The following DOK5 variants were observed in gnomAD, a reference collection of about 807,000 sequenced individuals.
DOK5 encodes the protein downstream of tyrosine kinase 5.
DOK5 carries 27 observed loss-of-function variants against 43.3 expected under a neutral mutation model. That is an observed-to-expected ratio of 0.62 (90% confidence interval 0.46 to 0.86). The LOEUF is 0.86. Ranked by LOEUF, DOK5 falls within the 40% of genes least tolerant of loss-of-function variation. DOK5 has a pLI of 0.00. For synonymous variants in DOK5, 146 were observed against 140.1 expected (o/e 1.04, Z -0.30); for missense variants, 373 against 392.9 (o/e 0.95, Z 0.43).
chr20:54,622,668 A>G (rs1200474613), intron 6 of DOK5, among the ~76,000 whole-genome samples: 1 of 152,180 alleles, frequency 6.6e-6, no homozygotes, highest in African/African-American at 2.4e-5. Context: ...TAGGCAGTAC[A>G]TTGCGACCTT....
At chr20:54,643,056 G>A (rs1979199238) in intron 6 of DOK5, among the ~76,000 whole-genome samples, 1 of 152,216 alleles carries the variant, frequency 6.6e-6, no homozygotes, top group Non-Finnish European at 1.5e-5. Flanking sequence ...GAACAAAACA[G>A]TCATAAATCT....
At chr20:54,627,894 G>A (rs1285296495) in intron 6 of DOK5, among the ~76,000 whole-genome samples, 1 of 152,186 alleles carries the variant, frequency 6.6e-6, no homozygotes, top group Non-Finnish European at 1.5e-5. Context: ...AGAACAAAAA[G>A]ATGTATAGTC....
chr20:54,588,147 G>C (rs938840691), intron 2 of DOK5, among the ~76,000 whole-genome samples: 3 of 151,988 alleles, frequency 2.0e-5, no homozygotes, highest in Non-Finnish European at 4.4e-5. Context: ...ACAGACATAA[G>C]AACTATTGGT....
chr20:54,552,680 T>C (rs1356272291), intron 1 of DOK5, among the ~76,000 whole-genome samples: 1 of 152,196 alleles, frequency 6.6e-6, no homozygotes, highest in Non-Finnish European at 1.5e-5. Context: ...GAAATTTGAG[T>C]AATCCCTGAC....
At chr20:54,626,677 T>G (rs1987141009) in intron 6 of DOK5, among the ~76,000 whole-genome samples, 2 of 152,220 alleles carry the variant, frequency 1.3e-5, no homozygotes, top group South Asian at 4.1e-4. Context: ...TCTACATATA[T>G]ACATAGACAC....
intron 1 of DOK5, among the ~76,000 whole-genome samples, chr20:54,548,149 T>G (rs1012443599): frequency 2.0e-5 from 3 of 152,188 alleles, no homozygotes; most frequent in Admixed American, 6.5e-5. Context: ...ACATGATGTA[T>G]AGGAGGTGAG....
intron 5 of DOK5, among the ~76,000 whole-genome samples, chr20:54,596,587 G>T (rs957355424): frequency 6.6e-6 from 1 of 152,146 alleles, no homozygotes; most frequent in African/African-American, 2.4e-5. Flanking sequence ...GTGGGAACGT[G>T]GATATGTCAC....
At chr20:54,622,589 C>T (rs1162429785) in intron 6 of DOK5, among the ~76,000 whole-genome samples, 1 of 152,208 alleles carries the variant, frequency 6.6e-6, no homozygotes, top group Non-Finnish European at 1.5e-5. Context: ...ACTTGTTTTG[C>T]TGACAGATCG....
At chr20:54,623,517 C>T (rs577508863) in intron 6 of DOK5, among the ~76,000 whole-genome samples, 33 of 152,100 alleles carry the variant, frequency 2.2e-4, no homozygotes, top group Non-Finnish European at 4.3e-4. Flanking sequence ...TGTAAGGCAA[C>T]GAGACGAGGC....
At chr20:54,585,195 G>A (rs1475710840) in intron 2 of DOK5, among the ~76,000 whole-genome samples, 2 of 151,982 alleles carry the variant, frequency 1.3e-5, no homozygotes, top group Non-Finnish European at 2.9e-5. Flanking sequence ...TGCCCACTAG[G>A]TGTAGTTCTG....
rs55959803 is a variant in DOK5, at chr20:54,533,638, A to C, written c.67-21295A>C. Among the ~76,000 whole-genome samples, 1,118 of 152,328 alleles carry C rather than the reference A, an allele frequency of 7.3e-3. 16 individuals carry two copies. The highest frequency in any genetic ancestry group is 0.025 in the African/African-American group (1,058 of 41,578). ...ATTATCATCATTAACAGATGGAAAAACTGAAGCTCAAAAGGGTAAGTTATT... is the reference window on the plus strand; with the variant it reads ...ATTATCATCATTAACAGATGGAAAACCTGAAGCTCAAAAGGGTAAGTTATT... On this transcript the variant is annotated intron_variant, in intron 1 of 7. Coordinates refer to ENST00000262593, the MANE Select transcript of DOK5 (RefSeq NM_018431.5).
intron 5 of DOK5, among the ~76,000 whole-genome samples, chr20:54,594,704 ATAG>A (rs1568801433): frequency 6.6e-6 from 1 of 152,172 alleles, no homozygotes; most frequent in Admixed American, 6.5e-5. Flanking sequence ...TTTACAGGAA[ATAG>A]TAGTAGAAAA....
chr20:54,601,292 A>G (rs573600592), intron 5 of DOK5, among the ~76,000 whole-genome samples: 1 of 152,356 alleles, frequency 6.6e-6, no homozygotes, highest in African/African-American at 2.4e-5. Flanking sequence ...ATTGTGTTTG[A>G]GTTTAGAACT....
At chr20:54,559,714 A>T (rs1226792682) in intron 2 of DOK5, among the ~76,000 whole-genome samples, 1 of 152,204 alleles carries the variant, frequency 6.6e-6, no homozygotes, top group Non-Finnish European at 1.5e-5. Context: ...ATTTGTTTTA[A>T]TCGTGTGTTC....
In DOK5 at chr20:54,611,136, C is replaced by T. The variant is rs535528575; in HGVS notation, c.735+613C>T. ...GGGTGAACTGCTACCCACAGCCATG[C>T]GTGTGCCATCTCTTCACAGTCATCG... On this transcript the variant is annotated intron_variant, in intron 6 of 7. Coordinates refer to ENST00000262593, the MANE Select transcript of DOK5 (RefSeq NM_018431.5). Among the ~76,000 whole-genome samples, 131 of 152,312 alleles carry T rather than the reference C, an allele frequency of 8.6e-4. 2 individuals carry two copies. The highest frequency in any genetic ancestry group is 6.8e-3 in the Middle Eastern group (2 of 294).
chr20:54,633,465 T>C (rs897383162), intron 6 of DOK5, among the ~76,000 whole-genome samples: 1 of 152,182 alleles, frequency 6.6e-6, no homozygotes, highest in African/African-American at 2.4e-5. Flanking sequence ...TGACTCAACT[T>C]TGCCCATGTT....
intron 5 of DOK5, among the ~76,000 whole-genome samples, chr20:54,599,654 C>G (rs1246922108): frequency 6.6e-6 from 1 of 152,114 alleles, no homozygotes; most frequent in African/African-American, 2.4e-5. Flanking sequence ...TTTTTTCTGA[C>G]CTTTGAGGCA....
At chr20:54,547,993 G>C (rs76098023) in intron 1 of DOK5, among the ~76,000 whole-genome samples, 4 of 152,114 alleles carry the variant, frequency 2.6e-5, no homozygotes, top group African/African-American at 4.8e-5. Context: ...AGACAATTTT[G>C]GTTTTCAGTG....
At chr20:54,582,292 C>A (rs557897127) in intron 2 of DOK5, among the ~76,000 whole-genome samples, 139 of 151,902 alleles carry the variant, frequency 9.2e-4, no homozygotes, top group African/African-American at 3.3e-3. Flanking sequence ...CATGTATATT[C>A]ATCAGTGATA....
Sources: allele counts gnomAD v4.1 joint callset (sites outside exome capture counted in the v4.1 genomes callset), GRCh38; gene constraint gnomAD v4.1.1; transcripts MANE v1.5; gene names NCBI Gene and HGNC (gene_info 2026-07-23, HGNC 2026-07-21).